The following CFAP47 variants were observed in gnomAD, a reference collection of about 807,000 sequenced individuals.
CFAP47 encodes cilia and flagella associated protein 47, also known as cilia- and flagella-associated protein 47.
Under a neutral mutation model 148.1 loss-of-function variants are expected in CFAP47, and 29 were observed. The ratio of observed to expected loss-of-function variants is 0.20; its 90% CI spans 0.15 to 0.27. The LOEUF (loss-of-function observed/expected upper bound fraction) is 0.27. Among genes scored for constraint, CFAP47 ranks in the 10% least tolerant of loss-of-function variants. The probability of loss-of-function intolerance (pLI) is 1.00; values close to 1 mark genes in which losing one functional copy is unlikely to be tolerated. For synonymous variants in CFAP47, 664 were observed against 577.3 expected (o/e 1.15, Z -2.15); for missense variants, 1,872 against 1,697.5 (o/e 1.10, Z -1.81).
chrX:36,136,301 T>C (rs1442961103), intron 33 of CFAP47, among the ~76,000 whole-genome samples: 1 of 108,887 alleles, frequency 9.2e-6, no homozygotes, highest in Non-Finnish European at 1.9e-5. Flanking sequence ...TGCAACAAGA[T>C]ATTAAGCTCC....
chrX:36,045,026 T>C (rs1202150929), intron 25 of CFAP47, among the ~76,000 whole-genome samples: 1 of 112,242 alleles, frequency 8.9e-6, no homozygotes, highest in Non-Finnish European at 1.9e-5. Context: ...ACAAGGATAT[T>C]GTACTTCTTC....
chrX:35,942,234 T>C (rs1237671403), intron 3 of CFAP47, among the ~76,000 whole-genome samples: 1 of 111,579 alleles, frequency 9.0e-6, no homozygotes, highest in Non-Finnish European at 1.9e-5. Flanking sequence ...TTGTTGAATA[T>C]ATAAAGTAGG....
At chrX:36,173,722 A>G (rs1485018676) in intron 39 of CFAP47, among the ~76,000 whole-genome samples, 1 of 111,685 alleles carries the variant, frequency 9.0e-6, no homozygotes, top group Non-Finnish European at 1.9e-5. Context: ...ACTTCCAAGT[A>G]TGTCGTCAAT....
chrX:35,979,972 AACC>A (rs1434964805), intron 15 of CFAP47, among the ~76,000 whole-genome samples: 5 of 111,918 alleles, frequency 4.5e-5, no homozygotes, highest in African/African-American at 1.6e-4. Context: ...ATAATACAAC[AACC>A]ACTGTTTGAT....
Position 35,919,901 on chromosome X carries a change from G to A in CFAP47, c.102G>A (p.Ser34=). The change falls in exon 1 of 64, where the codon TCG becomes TCA. Residue 34 remains serine, a synonymous_variant. Transcript: ENST00000378653. The part of the protein sequence containing the change: ...GSLVPRDMDS[S]GRDMQLRVIP... The stretch of plus-strand genomic sequence containing the variant: ...TCGTCCCCCGGGATATGGATAGCTC[G>A]GGTAGAGACATGCAGCTGCGGGTGA... 1 of 1,211,203 alleles carries A rather than the reference G, an allele frequency of 8.3e-7. No individual in the cohort carries two copies.
At chrX:36,160,513 A>G (rs1270941385) in intron 38 of CFAP47, among the ~76,000 whole-genome samples, 168 bp from the exon 39 acceptor site, 1 of 111,857 alleles carries the variant, frequency 8.9e-6, no homozygotes, top group Non-Finnish European at 1.9e-5. Flanking sequence ...TTCTGAAATT[A>G]TAGAATACCT....
Position 36,228,837 on chromosome X carries a change from T to C in CFAP47, c.7014+13T>C, listed in dbSNP as rs1009641211. ...GAATATTCCAATAGTATGTATAAAC[T>C]TTTTTGGTACCTTTCTTTATTCATA... is the stretch of plus-strand genomic sequence containing the variant. On this transcript the variant is annotated intron_variant, in intron 46 of 63. Coordinates refer to ENST00000378653, the MANE Select transcript of CFAP47 (RefSeq NM_001304548.2). 2.3e-5 allele frequency: 12 copies of C among 512,622 alleles called. 1 individual carries two copies. The Admixed American group carries it at 2.8e-4, about 12-fold the overall frequency. The allele number at this position is 512,622 out of a possible 1,213,427, so 42.2% of individuals were successfully genotyped here.
At chrX:36,074,075 A>G (rs1937804640) in intron 29 of CFAP47, among the ~76,000 whole-genome samples, 1 of 111,716 alleles carries the variant, frequency 9.0e-6, no homozygotes, top group East Asian at 2.8e-4. Flanking sequence ...AGGTAAAACT[A>G]AGGCTGCAGT....
intron 57 of CFAP47, among the ~76,000 whole-genome samples, chrX:36,327,345 G>A (rs1941525806): frequency 2.7e-5 from 3 of 112,234 alleles, no homozygotes; most frequent in African/African-American, 9.7e-5. Flanking sequence ...TGTAAAAGTA[G>A]CCAACAAACG....
chrX:36,294,326 G>C (rs781903828), intron 51 of CFAP47, among the ~76,000 whole-genome samples: 5 of 111,326 alleles, frequency 4.5e-5, no homozygotes, highest in Non-Finnish European at 9.4e-5. Flanking sequence ...AAAATTCCCA[G>C]ACAGGCCTGA....
chrX:36,121,993 G>A (rs1317785101), intron 33 of CFAP47, among the ~76,000 whole-genome samples: 1 of 111,176 alleles, frequency 9.0e-6, no homozygotes, highest in Non-Finnish European at 1.9e-5. Context: ...CTAAGCTTTT[G>A]TTTGTCTGAT....
intron 30 of CFAP47, among the ~76,000 whole-genome samples, chrX:36,095,348 TC>T (rs1030477203): frequency 8.9e-6 from 1 of 112,248 alleles, no homozygotes; most frequent in Non-Finnish European, 1.9e-5. Context: ...ACTGTAGCAT[TC>T]CTTTTTTATA....
chrX:36,161,354 ATAAT>A (rs749230198), intron 39 of CFAP47, among the ~76,000 whole-genome samples: 50 of 111,701 alleles, frequency 4.5e-4, no homozygotes, highest in Non-Finnish European at 8.5e-4. Flanking sequence ...AAAAATATGT[ATAAT>A]TAATAGATTT....
In CFAP47 at chrX:36,379,473, A is replaced by G; in HGVS notation, c.9309A>G (p.Lys3103=). The G allele has an allele frequency of 8.6e-7, 1 of 1,163,957 alleles. No individual in the cohort carries two copies. The highest frequency in any genetic ancestry group is 1.9e-5 in the South Asian group (1 of 52,638). The change falls in exon 63 of 64, where the codon AAA becomes AAG. Residue 3103 remains lysine, a synonymous_variant. Transcript: ENST00000378653. ...TNGTLITVGF[K]PKMYCRKYKA... Reference sequence around the variant, plus strand: ...GAACTCTCATCACTGTAGGATTTAAACCTAAAATGTACTGTAGGAAATATA... The same window carrying G: ...GAACTCTCATCACTGTAGGATTTAAGCCTAAAATGTACTGTAGGAAATATA...
intron 30 of CFAP47, among the ~76,000 whole-genome samples, chrX:36,093,900 C>A (rs1419293765): frequency 9.0e-6 from 1 of 111,006 alleles, no homozygotes; most frequent in Non-Finnish European, 1.9e-5. Flanking sequence ...TTCATTTATG[C>A]TTTAATTGCC....
At chrX:36,136,548 C>CAGAG (rs1939048221) in intron 33 of CFAP47, among the ~76,000 whole-genome samples, 1 of 110,952 alleles carries the variant, frequency 9.0e-6, no homozygotes, top group Admixed American at 9.6e-5. Flanking sequence ...AATATACATT[C>CAGAG]AGAGAAGCAC....
chrX:36,264,015 A>G (rs1556000662), intron 49 of CFAP47, among the ~76,000 whole-genome samples: 1 of 111,484 alleles, frequency 9.0e-6, no homozygotes, highest in African/African-American at 3.3e-5. Context: ...CCTCCAATGT[A>G]TCTGGTTCCC....
chrX:36,364,901 CA>C (rs1941859428), intron 61 of CFAP47, among the ~76,000 whole-genome samples: 8 of 67,357 alleles, frequency 1.2e-4, no homozygotes, highest in Non-Finnish European at 2.4e-4. Context: ...ATATTTTGTG[CA>C]TATATATATA....
At chrX:36,006,802 A>T (rs1242754488) in intron 21 of CFAP47, among the ~76,000 whole-genome samples, 1 of 112,095 alleles carries the variant, frequency 8.9e-6, no homozygotes, top group Non-Finnish European at 1.9e-5. Flanking sequence ...TTCTTGGTCA[A>T]TATATGGAAT....
Sources: gnomAD v4.1 joint callset for allele counts (sites outside exome capture counted in the v4.1 genomes callset) on GRCh38, gnomAD v4.1.1 for gene constraint, MANE v1.5 for transcripts, NCBI Gene and HGNC (gene_info 2026-07-23, HGNC 2026-07-21) for gene names.